Variants in KNDC1 observed in about 807,000 individuals in gnomAD.
KNDC1 encodes the protein kinase non-catalytic C-lobe domain containing 1, also known as kinase non-catalytic C-lobe domain-containing protein 1.
KNDC1 carries 106 observed loss-of-function variants against 172.8 expected under a neutral mutation model. The ratio of observed to expected loss-of-function variants is 0.61; its 90% CI spans 0.52 to 0.72. The LOEUF (loss-of-function observed/expected upper bound fraction) is 0.72. Among genes scored for constraint, KNDC1 ranks in the 30% least tolerant of loss-of-function variants. The pLI, the probability that KNDC1 is intolerant of heterozygous loss-of-function variation, is 0.00. For missense variants in KNDC1, 2,325 were observed against 2,394.5 expected, an observed-to-expected ratio of 0.97 and a Z score of 0.61; for synonymous variants, 1,083 against 1,062.2, an observed-to-expected ratio of 1.02 and a Z score of -0.38.
intron 3 of KNDC1, among the ~76,000 whole-genome samples, chr10:133,176,104 G>T (rs1853531438): frequency 6.6e-6 from 1 of 151,942 alleles, no homozygotes; most frequent in Non-Finnish European, 1.5e-5. Context: ...GTAGATACAT[G>T]GATTGATAGG....
chr10:133,194,808 G>A (rs1854144272), intron 9 of KNDC1, among the ~76,000 whole-genome samples: 1 of 152,228 alleles, frequency 6.6e-6, no homozygotes, highest in Non-Finnish European at 1.5e-5. Flanking sequence ...CTGAAGTGAT[G>A]GAGAACACGT....
chr10:133,207,490 C>A, intron 20 of KNDC1, 139 bp downstream of exon 20: 1 of 809,550 alleles, frequency 1.2e-6, no homozygotes, highest in African/African-American at 1.7e-5. Flanking sequence ...GGGGTTTAGG[C>A]CAATGTGCAC....
At position 133,163,901 on chromosome 10, in the gene KNDC1, C is replaced by T. The variant is rs1439474019; in HGVS notation, c.102+3332C>T. ...CTGCCTTCCCAAATCCCTCCTCCCA[C>T]CTGGGATGGGGGTGGAGTTCGTGGC... On this transcript the variant is annotated intron_variant, in intron 1 of 29. Transcript: ENST00000304613. This position sits in a 1 kb window ranked among gnomAD's most constrained non-coding sequence, Gnocchi z 4.4. Among the ~76,000 whole-genome samples, 1 of 145,986 alleles carries T rather than the reference C, an allele frequency of 6.8e-6. No homozygotes were observed. Among genetic ancestry groups the T allele is most frequent in the Admixed American group, 6.8e-5 (1 of 14,744 alleles).
In KNDC1 at chr10:133,167,473, C is replaced by A; in HGVS notation, c.195C>A (p.Ser65=). 1 of 1,606,748 alleles carries A rather than the reference C, an allele frequency of 6.2e-7. No individual in the cohort carries two copies. Residue 65 remains serine, a synonymous_variant, in exon 2 of 30, where the codon TCC becomes TCA. Coordinates refer to ENST00000304613, the MANE Select transcript of KNDC1 (RefSeq NM_152643.8). ...CCGTGTGCCTGGAGTGCAGCCTGTC[C>A]ATGCGGAGCGTGGCCCACGCCGCCA... ...AWAVCLECSL[S]MRSVAHAAIF...
chr10:133,224,617 C>T lies in KNDC1; in HGVS notation c.5019-42C>T. 6.5e-7 allele frequency: 1 copy of T among 1,527,650 alleles called. No homozygotes were observed. Among genetic ancestry groups the T allele is most frequent in the Non-Finnish European group, 9.1e-7 (1 of 1,104,138 alleles). The allele number at this position is 1,527,650 out of a possible 1,614,324, so 94.6% of individuals were successfully genotyped here. A position where few individuals can be genotyped will look rare whatever the true frequency, so the allele number is the denominator to read the frequency against. On this transcript the variant is annotated intron_variant, in intron 29 of 29. Coordinates refer to ENST00000304613, the MANE Select transcript of KNDC1 (RefSeq NM_152643.8). This position sits in a 1 kb window ranked among gnomAD's most constrained non-coding sequence, Gnocchi z 5.4. ...CTCCCTCCCCACGGAAGCCGCGCCC[C>T]TGCCCTGTGCAAACTAACGTCTCTT... is the stretch of plus-strand genomic sequence containing the variant.
chr10:133,222,282 C>CA (rs557486015), intron 29 of KNDC1, among the ~76,000 whole-genome samples: 46,027 of 123,332 alleles, frequency 0.37, 8,594 homozygotes, highest in East Asian at 0.65. Flanking sequence ...GACTCCGTCT[C>CA]AAAAAAAAAA....
chr10:133,219,828 G>A (rs554079962), intron 28 of KNDC1, 127 bp from the exon 29 acceptor site: 6 of 917,466 alleles, frequency 6.5e-6, no homozygotes, highest in South Asian at 1.9e-5. Context: ...TCAGAGAGCC[G>A]GGTAGACCCC....
At chr10:133,190,562 G>A (rs1189345676) in intron 9 of KNDC1, among the ~76,000 whole-genome samples, 1 of 152,240 alleles carries the variant, frequency 6.6e-6, no homozygotes, top group Admixed American at 6.5e-5. Context: ...CACATATTGA[G>A]ACTTGGAGGT....
intron 12 of KNDC1, 83 bp from the exon 13 acceptor site, chr10:133,198,238 CGCACTGGGTGGGATGA>C (rs1305009292): frequency 2.7e-5 from 37 of 1,356,320 alleles, no homozygotes; most frequent in South Asian, 1.7e-4. Context: ...CGCGGCACCA[CGCACTGGGTGGGATGA>C]GCACTGGGTG....
At chr10:133,172,059 C>T (rs577976141) in intron 3 of KNDC1, among the ~76,000 whole-genome samples, 2 of 152,186 alleles carry the variant, frequency 1.3e-5, no homozygotes, top group Non-Finnish European at 1.5e-5. Flanking sequence ...TCCTCCCATC[C>T]GATGGTCCTG....
intron 26 of KNDC1, among the ~76,000 whole-genome samples, chr10:133,216,470 G>C (rs1469240173): frequency 1.3e-5 from 2 of 152,114 alleles, no homozygotes; most frequent in Non-Finnish European, 2.9e-5. Flanking sequence ...TTGAGACCAG[G>C]AGTTGGGATC....
intron 16 of KNDC1, 138 bp from the exon 17 acceptor site, chr10:133,201,363 C>A: frequency 1.1e-6 from 1 of 933,442 alleles, no homozygotes; most frequent in Non-Finnish European, 1.6e-6. Context: ...CAGCCGTGCC[C>A]GGGGGGCGCC....
rs373422892 is a variant in KNDC1, at chr10:133,219,911, C to A, written c.4861-44C>A. The stretch of plus-strand genomic sequence containing the variant: ...CCCCGGCTGAGGCTCCTGCACTGAC[C>A]ACGCCCTGTCTCTCCCCGGCCCACG... On this transcript the variant is annotated intron_variant, in intron 28 of 29. Transcript: ENST00000304613. 92 of 1,533,052 alleles carry A rather than the reference C, an allele frequency of 6.0e-5. No individual in the cohort carries two copies. The African/African-American group carries it at 1.0e-3, about 17-fold the overall frequency. 95.0% of individuals were successfully genotyped at this position (1,533,052 alleles called of 1,614,324 possible).
At position 133,224,603 on chromosome 10, in the gene KNDC1, C is replaced by A. The variant is rs112617229; in HGVS notation, c.5019-56C>A. 1 of 1,336,466 alleles carries A rather than the reference C, an allele frequency of 7.5e-7. No homozygotes were observed. 82.8% of individuals were successfully genotyped at this position (1,336,466 alleles called of 1,614,324 possible). A position where few individuals can be genotyped will look rare whatever the true frequency, so the allele number is the denominator to read the frequency against. ...AGAACGCGGGGGGACTCCCTCCCCA[C>A]GGAAGCCGCGCCCCTGCCCTGTGCA... On this transcript the variant is annotated intron_variant, in intron 29 of 29. Transcript: ENST00000304613. This position sits in a 1 kb window ranked among gnomAD's most constrained non-coding sequence, Gnocchi z 5.4.
intron 3 of KNDC1, among the ~76,000 whole-genome samples, chr10:133,169,080 C>T (rs1431126073): frequency 6.6e-6 from 1 of 152,216 alleles, no homozygotes; most frequent in Admixed American, 6.5e-5. Flanking sequence ...GTAAAGCAAT[C>T]CTTAACAAAT....
chr10:133,182,509 G>A (rs3008396), intron 3 of KNDC1, among the ~76,000 whole-genome samples: 1,847 of 152,298 alleles, frequency 0.012, 28 homozygotes, highest in South Asian at 0.022. Flanking sequence ...TTCCTGAGCC[G>A]CTCTGCGTTC....
At position 133,213,623 on chromosome 10, in the gene KNDC1, CTT is replaced by C. The variant is rs982102471; in HGVS notation, c.4444-21_4444-20del. 8.1e-6 allele frequency: 13 copies of C among 1,611,344 alleles called. No individual in the cohort carries two copies. The highest frequency in any genetic ancestry group is 1.0e-5 in the Non-Finnish European group (12 of 1,177,500). On this transcript the variant is annotated intron_variant, in intron 24 of 29. Transcript: ENST00000304613. Reference sequence around the variant, plus strand: ...CCCTAAGGGATGGAAGCCTGAACCTCTTGTTTCCATGTTCTGGGCAGGAGTTG... The same window carrying C: ...CCCTAAGGGATGGAAGCCTGAACCTCGTTTCCATGTTCTGGGCAGGAGTTG...
intron 6 of KNDC1, 86 bp from the exon 7 acceptor site, chr10:133,188,441 GTGGGCCTCACCC>G: frequency 1.3e-6 from 1 of 743,916 alleles, no homozygotes; most frequent in East Asian, 2.7e-5. Context: ...CAGGGGCTGA[GTGGGCCTCACCC>G]TGGCCTGTCC....
chr10:133,217,161 C>A (rs1845483715), intron 26 of KNDC1, among the ~76,000 whole-genome samples: 1 of 152,242 alleles, frequency 6.6e-6, no homozygotes, highest in South Asian at 2.1e-4. Flanking sequence ...AAGGTAAATC[C>A]TCTATTACAT....
Sources: gnomAD v4.1 joint callset for allele counts (sites outside exome capture counted in the v4.1 genomes callset) on GRCh38, gnomAD v4.1.1 for gene constraint, Gnocchi (gnomAD v3.1) non-coding constraint, MANE v1.5 for transcripts, NCBI Gene and HGNC (gene_info 2026-07-23, HGNC 2026-07-21) for gene names.